The following RORA variants were observed in gnomAD, a reference collection of about 807,000 sequenced individuals.
The protein encoded by RORA is RAR related orphan receptor A.
RORA carries 7 observed loss-of-function variants against 69.5 expected under a neutral mutation model. The observed-to-expected ratio is 0.10, with a 90% confidence interval of 0.06 to 0.19. RORA has a LOEUF of 0.19. Among genes scored for constraint, RORA ranks in the 10% least tolerant of loss-of-function variants. RORA has a pLI of 1.00. For missense variants in RORA, 457 were observed against 663.0 expected, an observed-to-expected ratio of 0.69 and a Z score of 3.41; for synonymous variants, 261 against 240.8, an observed-to-expected ratio of 1.08 and a Z score of -0.78.
chr15:61,140,197 T>C (rs2079284973), intron 1 of RORA, among the ~76,000 whole-genome samples: 1 of 152,140 alleles, frequency 6.6e-6, no homozygotes, highest in Non-Finnish European at 1.5e-5. Flanking sequence ...GGAAGAAAAG[T>C]TCGTTCTGTC....
At chr15:60,631,683 A>G (rs924254544) in intron 2 of RORA, among the ~76,000 whole-genome samples, 4 of 152,210 alleles carry the variant, frequency 2.6e-5, no homozygotes, top group African/African-American at 9.7e-5. Flanking sequence ...GGAGGGGAAA[A>G]CAAGAAACAA....
At chr15:60,752,917 C>A (rs899902653) in intron 1 of RORA, among the ~76,000 whole-genome samples, 1 of 152,150 alleles carries the variant, frequency 6.6e-6, no homozygotes, top group Admixed American at 6.5e-5. Context: ...ACTGTCAAAA[C>A]CAAAGATATT....
intron 1 of RORA, among the ~76,000 whole-genome samples, chr15:60,838,893 C>CT (rs5813042): frequency 1.0e-4 from 14 of 139,396 alleles, no homozygotes; most frequent in African/African-American, 3.6e-4. Context: ...CACACATATA[C>CT]TTTTTTTTTT....
chr15:60,566,890 C>G (rs976350874), intron 2 of RORA, among the ~76,000 whole-genome samples: 2 of 152,016 alleles, frequency 1.3e-5, no homozygotes, highest in East Asian at 3.9e-4. Flanking sequence ...AAGTGGGTAG[C>G]CAGGTTGGCG....
At position 60,634,877 on chromosome 15, in the gene RORA, G is replaced by T. The variant is rs991292470; in HGVS notation, c.196+43780C>A. ...TCAACTGAATAGCAGAGAGATTTTG[G>T]CTTTCATTCCAGAATGATGTCTCAC... On this transcript the variant is annotated intron_variant, in intron 2 of 10. Coordinates refer to ENST00000335670, the MANE Select transcript of RORA (RefSeq NM_134261.3). Among the ~76,000 whole-genome samples the T allele has an allele frequency of 3.3e-5, 5 of 152,204 alleles. No homozygotes were observed. The South Asian group carries it at 1.0e-3, about 32-fold the overall frequency.
chr15:61,163,353 G>A (rs2079512753), intron 1 of RORA, among the ~76,000 whole-genome samples: 1 of 152,160 alleles, frequency 6.6e-6, no homozygotes, highest in African/African-American at 2.4e-5. Flanking sequence ...GCGTCATGAT[G>A]AGACGGGGCA....
chr15:60,594,820 T>C (rs1432123068), intron 2 of RORA, among the ~76,000 whole-genome samples: 2 of 152,244 alleles, frequency 1.3e-5, no homozygotes, highest in Non-Finnish European at 2.9e-5. Flanking sequence ...TCCAGAATAA[T>C]GTAATACTGA....
intron 1 of RORA, among the ~76,000 whole-genome samples, chr15:61,066,308 A>G (rs1438133184): frequency 2.0e-5 from 3 of 152,150 alleles, no homozygotes; most frequent in Non-Finnish European, 4.4e-5. Flanking sequence ...TAAGAATGTT[A>G]CATGTGTACT....
chr15:60,778,080 A>G (rs923675910), intron 1 of RORA, among the ~76,000 whole-genome samples: 7 of 152,200 alleles, frequency 4.6e-5, no homozygotes, highest in Non-Finnish European at 1.0e-4. Context: ...AATGTAACAC[A>G]ACTGCGCAGG....
At chr15:61,065,671 T>C (rs2078247698) in intron 1 of RORA, among the ~76,000 whole-genome samples, 1 of 152,338 alleles carries the variant, frequency 6.6e-6, no homozygotes, top group Middle Eastern at 3.4e-3. Flanking sequence ...AGGTGCCGTT[T>C]GATCTTGGTT....
chr15:60,990,587 A>G (rs1358048628), intron 1 of RORA, among the ~76,000 whole-genome samples: 1 of 152,236 alleles, frequency 6.6e-6, no homozygotes, highest in Non-Finnish European at 1.5e-5. Flanking sequence ...ATAAGACAGC[A>G]GATCCTGGAA....
intron 1 of RORA, among the ~76,000 whole-genome samples, chr15:61,224,523 T>C (rs2080128561): frequency 6.6e-6 from 1 of 152,098 alleles, no homozygotes; most frequent in South Asian, 2.1e-4. Flanking sequence ...TAAGATACCA[T>C]ACCATATGAA....
At chr15:61,046,330 C>T (rs1280662775) in intron 1 of RORA, among the ~76,000 whole-genome samples, 2 of 152,210 alleles carry the variant, frequency 1.3e-5, no homozygotes, top group Non-Finnish European at 1.5e-5. Flanking sequence ...TCTGGCAAAA[C>T]ATGGTCAGCT....
chr15:61,016,728 G>C (rs1257440062), intron 1 of RORA, among the ~76,000 whole-genome samples: 1 of 152,174 alleles, frequency 6.6e-6, no homozygotes, highest in African/African-American at 2.4e-5. Flanking sequence ...ATAGCTGAAT[G>C]TGGTGAAATG....
At chr15:60,719,023 T>TTG (rs1187820212) in intron 1 of RORA, among the ~76,000 whole-genome samples, 27 of 136,954 alleles carry the variant, frequency 2.0e-4, no homozygotes, top group Non-Finnish European at 3.1e-4. Context: ...TCAATCAGCT[T>TTG]TGTGTGTGTG....
In RORA at chr15:60,578,948, A is replaced by G. The variant is rs2068108767; in HGVS notation, c.197-47097T>C. On this transcript the variant is annotated intron_variant, in intron 2 of 10. Transcript: ENST00000335670. ...CCAGCTAATTTTTTGTATTTTCAGT[A>G]GGGATGGGGTTTCACCATGTTAGCC... Among the ~76,000 whole-genome samples the G allele has an allele frequency of 2.0e-5, 3 of 151,488 alleles. No homozygotes were observed. In the South Asian group the frequency reaches 6.3e-4, roughly 32 times the overall value.
chr15:60,577,989 T>G (rs1234086571), intron 2 of RORA, among the ~76,000 whole-genome samples: 1 of 152,206 alleles, frequency 6.6e-6, no homozygotes, highest in African/African-American at 2.4e-5. Flanking sequence ...CACAAAGATA[T>G]GTAGCTAGAA....
At chr15:60,506,679 C>G (rs922794884) in intron 5 of RORA, among the ~76,000 whole-genome samples, 2 of 151,572 alleles carry the variant, frequency 1.3e-5, no homozygotes, top group South Asian at 2.1e-4. Flanking sequence ...ATGGTGAAAC[C>G]CTGTCTCTAT....
In RORA at chr15:60,779,987, G is replaced by C. The variant is rs187711304; in HGVS notation, c.167-101301C>G. 6.6e-5 allele frequency among the ~76,000 whole-genome samples: 10 copies of C among 152,202 alleles called. No individual in the cohort carries two copies. In the East Asian group the frequency reaches 1.9e-3, roughly 29 times the overall value. ...TTTCCAAAGCACTTGGGGGTTTTCAGCAAATCTTTATACATCTCATGGAAG... is the reference window on the plus strand; with the variant it reads ...TTTCCAAAGCACTTGGGGGTTTTCACCAAATCTTTATACATCTCATGGAAG... On this transcript the variant is annotated intron_variant, in intron 1 of 10. Transcript: ENST00000335670.
Sources: allele counts gnomAD v4.1 joint callset (sites outside exome capture counted in the v4.1 genomes callset), GRCh38; gene constraint gnomAD v4.1.1; transcripts MANE v1.5; gene names NCBI Gene and HGNC (gene_info 2026-07-23, HGNC 2026-07-21).